ZNF385D: variants seen among roughly 807,000 people sequenced by gnomAD.
ZNF385D encodes zinc finger protein 659.
A neutral mutation model predicts 35.8 loss-of-function variants in ZNF385D; 15 were observed. The ratio of observed to expected loss-of-function variants is 0.42; its 90% CI spans 0.28 to 0.64. The LOEUF (loss-of-function observed/expected upper bound fraction) is 0.64, where lower values mean the gene tolerates loss of function less well. ZNF385D is among the 30% of genes least tolerant of loss of function. The pLI is 0.23. For synonymous variants in ZNF385D, 212 were observed against 186.8 expected (o/e 1.13, Z -1.10); for missense variants, 474 against 494.6 (o/e 0.96, Z 0.39).
At chr3:22,177,412 G>C (rs753687668) in intron 2 of ZNF385D, among the ~76,000 whole-genome samples, 1 of 152,122 alleles carries the variant, frequency 6.6e-6, no homozygotes, top group Non-Finnish European at 1.5e-5. Flanking sequence ...AAGAAAAAAA[G>C]TAGGCACCCT....
chr3:22,358,656 A>C (rs1422837747), intron 2 of ZNF385D, among the ~76,000 whole-genome samples: 1 of 151,834 alleles, frequency 6.6e-6, no homozygotes, highest in East Asian at 1.9e-4. Flanking sequence ...GACTTGTAAT[A>C]AAAGAGAAAT....
intron 1 of ZNF385D, among the ~76,000 whole-genome samples, chr3:21,701,753 G>C (rs550819789): frequency 6.6e-6 from 1 of 152,162 alleles, no homozygotes; most frequent in Admixed American, 6.5e-5. Context: ...CCAAATGGGA[G>C]AAACTGGCCA....
intron 3 of ZNF385D, among the ~76,000 whole-genome samples, chr3:21,967,202 A>T (rs1702962419): frequency 2.0e-5 from 3 of 152,134 alleles, no homozygotes; most frequent in Non-Finnish European, 2.9e-5. Context: ...GGCACTGTTT[A>T]GTCTCTTTTT....
At chr3:21,975,324 G>A (rs969407385) in intron 3 of ZNF385D, among the ~76,000 whole-genome samples, 1 of 152,102 alleles carries the variant, frequency 6.6e-6, no homozygotes, top group Non-Finnish European at 1.5e-5. Context: ...AACTTCCTAT[G>A]TTCTCACTTA....
chr3:21,531,134 A>G (rs536080623), intron 3 of ZNF385D, among the ~76,000 whole-genome samples: 1 of 152,334 alleles, frequency 6.6e-6, no homozygotes, highest in East Asian at 1.9e-4. Flanking sequence ...GGTACAGATT[A>G]TGATACTTTT....
rs551055921 is a variant in ZNF385D at position 21,994,052 on chromosome 3, C to T, written c.325+174765G>A. The stretch of plus-strand genomic sequence containing the variant: ...TTCTAAGAATCATTTAGCATAAGCC[C>T]AAACCTACACAAAGTCCCTTCACAA... On this transcript the variant is annotated intron_variant, in intron 3 of 5. Transcript: ENST00000494108. 2.3e-4 allele frequency among the ~76,000 whole-genome samples: 35 copies of T among 152,264 alleles called. No homozygotes were observed. The South Asian group carries it at 5.8e-3, about 25-fold the overall frequency.
At chr3:21,800,479 T>C (rs1175117726) in intron 3 of ZNF385D, among the ~76,000 whole-genome samples, 1 of 152,150 alleles carries the variant, frequency 6.6e-6, no homozygotes, top group Non-Finnish European at 1.5e-5. Flanking sequence ...TAGGTTAATT[T>C]TTTTTCCTAA....
chr3:21,715,894 G>T (rs1330423544), intron 1 of ZNF385D, among the ~76,000 whole-genome samples: 1 of 152,046 alleles, frequency 6.6e-6, no homozygotes, highest in East Asian at 1.9e-4. Flanking sequence ...GATCTAATAG[G>T]TATTTTAAAA....
intron 4 of ZNF385D, among the ~76,000 whole-genome samples, chr3:21,485,915 C>A (rs1704999661): frequency 6.6e-6 from 1 of 151,654 alleles, no homozygotes; most frequent in African/African-American, 2.4e-5. Context: ...ACCACCATCA[C>A]CACATCTGTA....
chr3:21,982,482 G>C (rs1460065352), intron 3 of ZNF385D, among the ~76,000 whole-genome samples: 1 of 151,998 alleles, frequency 6.6e-6, no homozygotes, highest in East Asian at 1.9e-4. Context: ...GGAGCTTTTG[G>C]GCTGAGACTA....
At chr3:21,819,817 A>T (rs1348984734) in intron 3 of ZNF385D, among the ~76,000 whole-genome samples, 1 of 147,586 alleles carries the variant, frequency 6.8e-6, no homozygotes, top group Non-Finnish European at 1.5e-5. Flanking sequence ...TATAATATAC[A>T]TAAATATGAT....
intron 2 of ZNF385D, among the ~76,000 whole-genome samples, chr3:22,235,434 G>A (rs1386534711): frequency 2.0e-5 from 3 of 152,078 alleles, no homozygotes; most frequent in Non-Finnish European, 4.4e-5. Context: ...GAAACACTCA[G>A]AGGGCACAAA....
intron 4 of ZNF385D, among the ~76,000 whole-genome samples, chr3:21,461,008 T>C (rs1703134483): frequency 6.6e-6 from 1 of 152,192 alleles, no homozygotes; most frequent in Non-Finnish European, 1.5e-5. Context: ...TATTTTTGAC[T>C]CTTTTTAAAA....
At chr3:22,256,678 T>C (rs1011188415) in intron 2 of ZNF385D, among the ~76,000 whole-genome samples, 6 of 151,936 alleles carry the variant, frequency 3.9e-5, no homozygotes, top group African/African-American at 9.7e-5. Flanking sequence ...GGTAAACTTA[T>C]TGCCTTTTAA....
intron 2 of ZNF385D, among the ~76,000 whole-genome samples, chr3:22,208,444 G>C (rs956792926): frequency 1.3e-5 from 2 of 151,728 alleles, no homozygotes; most frequent in African/African-American, 4.8e-5. Flanking sequence ...AGGCTGGCAA[G>C]TGTGGGGTGG....
chr3:21,597,230 C>G (rs2064151990), intron 2 of ZNF385D, among the ~76,000 whole-genome samples: 1 of 151,938 alleles, frequency 6.6e-6, no homozygotes, highest in South Asian at 2.1e-4. Context: ...TGGGGACACT[C>G]ATAGGATTAT....
intron 2 of ZNF385D, among the ~76,000 whole-genome samples, chr3:22,190,481 A>T (rs1159469938): frequency 6.6e-6 from 1 of 152,178 alleles, no homozygotes; most frequent in Non-Finnish European, 1.5e-5. Flanking sequence ...TTCCAAATAT[A>T]TGTGTCAAGG....
rs149167677 is a variant in ZNF385D at position 21,717,478 on chromosome 3, A to T, written c.22+33417T>A. Reference sequence around the variant, plus strand: ...CGATCAGTGCTTAATAGTTCTGCCAATGTAATCTTGCCAAAATACAAAGCC... The same window carrying T: ...CGATCAGTGCTTAATAGTTCTGCCATTGTAATCTTGCCAAAATACAAAGCC... On this transcript the variant is annotated intron_variant, in intron 1 of 7. Transcript: ENST00000281523. Among the ~76,000 whole-genome samples the T allele has an allele frequency of 1.2e-4, 19 of 152,328 alleles. No individual in the cohort carries two copies. In the South Asian group the frequency reaches 2.9e-3, roughly 23 times the overall value.
chr3:21,564,622 T>G lies in ZNF385D; in HGVS notation c.228A>C (p.Arg76Ser). The G allele has an allele frequency of 6.3e-7, 1 of 1,577,304 alleles. No individual in the cohort carries two copies. Among genetic ancestry groups the G allele is most frequent in the Non-Finnish European group, 8.6e-7 (1 of 1,160,708 alleles). Residue 76 changes from arginine (R) to serine (S), a missense_variant, in exon 3 of 8, where the codon AGA becomes AGC. Transcript: ENST00000281523. Reference protein sequence around the residue: ...HTFGVPLPHRRKQIISCNICQ... With the variant: ...HTFGVPLPHRSKQIISCNICQ... ...AAATGTTGCATGATATGATTTGCTT[T>G]CTTCGGTGGGGAAGAGGAACCCCGA...
Sources: allele counts gnomAD v4.1 joint callset (sites outside exome capture counted in the v4.1 genomes callset), GRCh38; gene constraint gnomAD v4.1.1; transcripts MANE v1.5; gene names NCBI Gene and HGNC (gene_info 2026-07-23, HGNC 2026-07-21).